RELL1: variants seen among roughly 807,000 people sequenced by gnomAD.
The protein encoded by RELL1 is RELT like 1.
RELL1 carries 10 observed loss-of-function variants against 23.0 expected under a neutral mutation model. The observed-to-expected ratio is 0.43, with a 90% CI of 0.27 to 0.74. RELL1 has a LOEUF of 0.74. Ranked by LOEUF, RELL1 falls within the 30% of genes least tolerant of loss-of-function variation. RELL1 has a pLI of 0.19. For missense variants in RELL1, 315 were observed against 364.4 expected (o/e 0.86, Z 1.10); for synonymous variants, 146 against 146.8 (o/e 0.99, Z 0.04).
chr4:37,598,540 A>G (rs1244402557), intron 6 of RELL1, among the ~76,000 whole-genome samples: 1 of 152,124 alleles, frequency 6.6e-6, no homozygotes, highest in Non-Finnish European at 1.5e-5. Flanking sequence ...ATCTCACTGA[A>G]GTCTACCGTG....
At chr4:37,685,111 T>C (rs1384333948) in intron 1 of RELL1, among the ~76,000 whole-genome samples, 2 of 152,178 alleles carry the variant, frequency 1.3e-5, no homozygotes, top group Non-Finnish European at 2.9e-5. Flanking sequence ...CTGGTTTCTA[T>C]GAAAAAGTGA....
intron 6 of RELL1, among the ~76,000 whole-genome samples, chr4:37,618,326 G>A (rs998390076): frequency 2.0e-5 from 3 of 151,750 alleles, no homozygotes; most frequent in African/African-American, 7.3e-5. Flanking sequence ...TGGAGTTCAA[G>A]CTACCACTTT....
intron 1 of RELL1, among the ~76,000 whole-genome samples, chr4:37,659,266 T>A (rs1246162415): frequency 6.6e-6 from 1 of 152,194 alleles, no homozygotes; most frequent in East Asian, 1.9e-4. Context: ...TAGGTATGTG[T>A]GTTTTGCCAA....
chr4:37,644,001 A>G (rs1031033147), intron 3 of RELL1, among the ~76,000 whole-genome samples: 31 of 152,208 alleles, frequency 2.0e-4, no homozygotes, highest in African/African-American at 7.2e-4. Flanking sequence ...AGATGAAGGC[A>G]TGGACAGGAG....
intron 6 of RELL1, among the ~76,000 whole-genome samples, chr4:37,596,709 C>CATATGTATATATAT (rs1718856566): frequency 6.0e-5 from 1 of 16,718 alleles, no homozygotes; most frequent in Non-Finnish European, 1.1e-4. Flanking sequence ...CAAAACTGGG[C>CATATGTATATATAT]ATATATATAT....
intron 1 of RELL1, among the ~76,000 whole-genome samples, chr4:37,656,109 T>C (rs1190646154): frequency 6.6e-6 from 1 of 152,012 alleles, no homozygotes; most frequent in Non-Finnish European, 1.5e-5. Flanking sequence ...CCACCAAAAT[T>C]CCCATCGATA....
At chr4:37,665,941 T>G (rs139349398) in intron 1 of RELL1, among the ~76,000 whole-genome samples, 5 of 152,206 alleles carry the variant, frequency 3.3e-5, no homozygotes, top group Admixed American at 3.3e-4. Flanking sequence ...GGTGCTGAGC[T>G]GGCTGGAGGG....
chr4:37,663,156 C>T (rs1371333059), intron 1 of RELL1, among the ~76,000 whole-genome samples: 1 of 152,146 alleles, frequency 6.6e-6, no homozygotes. Context: ...TGACTCTCTC[C>T]CCATCTTCTT....
intron 2 of RELL1, 102 bp from the exon 3 acceptor site, chr4:37,647,541 CT>C: frequency 1.3e-6 from 1 of 748,928 alleles, no homozygotes; most frequent in Non-Finnish European, 2.4e-6. Context: ...TTCCAGAAGC[CT>C]CAGGAGATCA....
intron 6 of RELL1, among the ~76,000 whole-genome samples, chr4:37,628,059 A>T (rs1026220911): frequency 1.3e-5 from 2 of 152,242 alleles, no homozygotes; most frequent in African/African-American, 4.8e-5. Flanking sequence ...AAAGAAAAAA[A>T]ACTGCAAGAA....
At chr4:37,602,221 C>CA (rs11410477) in intron 6 of RELL1, among the ~76,000 whole-genome samples, 73,878 of 96,030 alleles carry the variant, frequency 0.77, 28,563 homozygotes, top group Non-Finnish European at 0.81. Flanking sequence ...TGTCTCAAAC[C>CA]AAAAAAAAAA....
intron 6 of RELL1, among the ~76,000 whole-genome samples, chr4:37,598,668 C>T (rs1416316877): frequency 6.6e-6 from 1 of 151,958 alleles, no homozygotes; most frequent in Non-Finnish European, 1.5e-5. Context: ...CTCAACTGAA[C>T]CCAGACTGAA....
chr4:37,606,045 AAAG>A (rs1244635102), downstream of RELL1, among the ~76,000 whole-genome samples: 74 of 148,370 alleles, frequency 5.0e-4, no homozygotes, highest in African/African-American at 1.7e-3. The surrounding 1 kb of genome is among the most constrained non-coding windows in gnomAD (Gnocchi z 4.1). Flanking sequence ...AAAGAAAGAA[AAAG>A]AAGAAAGGGA....
At chr4:37,632,338 AT>A (rs1013380646) in intron 5 of RELL1, among the ~76,000 whole-genome samples, 2 of 142,884 alleles carry the variant, frequency 1.4e-5, no homozygotes, top group Non-Finnish European at 3.0e-5. Context: ...TGCCTGGCTA[AT>A]TTTGTATTTT....
Position 37,611,644 on chromosome 4 carries a change from C to G in RELL1, c.*1702G>C, listed in dbSNP as rs536916164. 1.3e-5 allele frequency among the ~76,000 whole-genome samples: 2 copies of G among 152,058 alleles called. No homozygotes were observed. The highest frequency in any genetic ancestry group is 4.8e-5 in the African/African-American group (2 of 41,482). On this transcript the variant is annotated 3_prime_UTR_variant, in exon 7 of 7. Coordinates refer to ENST00000454158, the MANE Select transcript of RELL1 (RefSeq NM_001085400.2). ...TGGAGACCTTGTAACTGGCCTCCCC[C>G]ACAGCTCACCCCAGAGCTACCATAA...
intron 6 of RELL1, among the ~76,000 whole-genome samples, chr4:37,626,214 G>C (rs972304693): frequency 2.0e-5 from 3 of 152,096 alleles, no homozygotes; most frequent in African/African-American, 7.2e-5. Flanking sequence ...ACAGTGGCTT[G>C]CACCTGTAAT....
intron 1 of RELL1, among the ~76,000 whole-genome samples, chr4:37,680,738 C>A (rs1722188320): frequency 6.6e-6 from 1 of 151,990 alleles, no homozygotes; most frequent in Non-Finnish European, 1.5e-5. Flanking sequence ...ACCATCCTGG[C>A]TAACACGGTG....
chr4:37,592,024 T>C (rs1194119107), intron 6 of RELL1, among the ~76,000 whole-genome samples: 2 of 151,812 alleles, frequency 1.3e-5, no homozygotes, highest in African/African-American at 2.4e-5. Flanking sequence ...CTGGCCAACA[T>C]AGTGAAACCC....
intron 1 of RELL1, among the ~76,000 whole-genome samples, chr4:37,681,377 C>G (rs78490153): frequency 0.016 from 2,484 of 152,156 alleles, 67 homozygotes; most frequent in African/African-American, 0.057. Context: ...TGCCATTTAC[C>G]CAGAACTTTC....
Sources: allele counts gnomAD v4.1 joint callset (sites outside exome capture counted in the v4.1 genomes callset), GRCh38; gene constraint gnomAD v4.1.1; non-coding constraint Gnocchi (gnomAD v3.1); transcripts MANE v1.5; gene names NCBI Gene and HGNC (gene_info 2026-07-23, HGNC 2026-07-21).